The following DOCK2 variants were observed in gnomAD, a reference collection of about 807,000 sequenced individuals.
The protein encoded by DOCK2 is dedicator of cytokinesis 2.
DOCK2 carries 87 observed loss-of-function variants against 248.9 expected under a neutral mutation model. That is an observed-to-expected ratio of 0.35 (90% CI 0.29 to 0.42). The LOEUF (loss-of-function observed/expected upper bound fraction) is 0.42, where lower values mean the gene tolerates loss of function less well. Ranked by LOEUF, DOCK2 falls within the 10% of genes least tolerant of loss-of-function variation. DOCK2 has a pLI of 1.00. For synonymous variants in DOCK2, 805 were observed against 821.6 expected (o/e 0.98, Z 0.35); for missense variants, 1,747 against 2,300.2 (o/e 0.76, Z 4.92).
chr5:169,987,049 TC>T (rs1659287946), intron 29 of DOCK2, among the ~76,000 whole-genome samples: 1 of 152,230 alleles, frequency 6.6e-6, no homozygotes, highest in Non-Finnish European at 1.5e-5. Context: ...AGGTGTGGCT[TC>T]AGGCATGGAT....
intron 27 of DOCK2, among the ~76,000 whole-genome samples, chr5:169,973,120 A>G (rs1363576): frequency 0.57 from 87,089 of 152,060 alleles, 25,085 homozygotes; most frequent in Admixed American, 0.66. Context: ...CCTTTTATCC[A>G]CAAAGTAATC....
chr5:169,972,226 A>G (rs1240829615), intron 27 of DOCK2, among the ~76,000 whole-genome samples: 2 of 152,146 alleles, frequency 1.3e-5, no homozygotes, highest in Non-Finnish European at 2.9e-5. Context: ...TTCTACCCTC[A>G]TAGATTGTTC....
intron 21 of DOCK2, among the ~76,000 whole-genome samples, chr5:169,717,820 G>A (rs1761987026): frequency 1.3e-5 from 2 of 152,184 alleles, no homozygotes; most frequent in Admixed American, 6.5e-5. Context: ...CCAGGACTTT[G>A]GGAGGCTGAG....
intron 27 of DOCK2, among the ~76,000 whole-genome samples, chr5:169,890,151 C>A (rs985199782): frequency 2.0e-5 from 3 of 152,226 alleles, no homozygotes; most frequent in Admixed American, 1.3e-4. Flanking sequence ...AGCCTCGGGG[C>A]TCTGGTGGAG....
At chr5:169,807,597 C>T (rs750232414) in intron 26 of DOCK2, among the ~76,000 whole-genome samples, 6 of 152,096 alleles carry the variant, frequency 3.9e-5, no homozygotes, top group Middle Eastern at 3.4e-3. Flanking sequence ...CTTTGGGAGG[C>T]CGAGGCGGGC....
intron 45 of DOCK2, 36 bp downstream of exon 45, chr5:170,067,722 G>A (rs753387792): frequency 2.3e-5 from 37 of 1,609,062 alleles, no homozygotes; most frequent in Admixed American, 6.7e-5. Context: ...AGGGGAGCTC[G>A]GTGAGCAGAG....
chr5:169,761,542 C>T lies in DOCK2; in HGVS notation c.2471C>T (p.Thr824Ile), dbSNP rs777063242. The stretch of plus-strand genomic sequence containing the variant: ...AGCCAACTCCTGTATGAGTTCTACA[C>T]CTGCATCCCTCCTGTGAAACTCCAG... ...LLSQLLYEFY[T>I]CIPPVKLQKQ... Residue 824 changes from threonine to isoleucine, a missense_variant, in exon 25 of 52, where the codon ACC becomes ATC. This residue lies in a region of DOCK2 where 858 missense variants were observed against 1,183.5 expected (regional missense o/e 0.72). Transcript: ENST00000520908. 1.9e-6 allele frequency: 3 copies of T among 1,614,110 alleles called. No homozygotes were observed. The highest frequency in any genetic ancestry group is 2.5e-6 in the Non-Finnish European group (3 of 1,179,960).
rs1456006626 is a variant in DOCK2 at position 169,674,707 on chromosome 5, C to T, written c.470+262C>T. Among the ~76,000 whole-genome samples the T allele has an allele frequency of 2.6e-5, 4 of 152,124 alleles. No individual in the cohort carries two copies. In the East Asian group the frequency reaches 5.8e-4, roughly 22 times the overall value. ...TTAGGACACTCATTTAACCTACTTC[C>T]GATGGACTAGGGAGCATAGTCATGC... On this transcript the variant is annotated intron_variant, in intron 6 of 51. Transcript: ENST00000520908.
At chr5:169,702,243 G>T in intron 13 of DOCK2, 60 bp from the exon 14 acceptor site, 1 of 1,587,260 alleles carries the variant, frequency 6.3e-7, no homozygotes. Flanking sequence ...CCTCTAGTTA[G>T]TCAGCGTCTC....
At chr5:169,950,078 A>G (rs1776597971) in intron 27 of DOCK2, among the ~76,000 whole-genome samples, 2 of 152,162 alleles carry the variant, frequency 1.3e-5, no homozygotes, top group South Asian at 4.1e-4. Flanking sequence ...AAGCATGTTC[A>G]AGCCCATCTG....
At chr5:169,933,023 C>T (rs1226306921) in intron 27 of DOCK2, among the ~76,000 whole-genome samples, 3 of 152,216 alleles carry the variant, frequency 2.0e-5, no homozygotes, top group Admixed American at 6.5e-5. Flanking sequence ...GAAATGGTTT[C>T]TCCGGCAGGT....
At chr5:170,008,464 C>T in intron 30 of DOCK2, 33 bp from the exon 31 acceptor site, 1 of 1,611,648 alleles carries the variant, frequency 6.2e-7, no homozygotes, top group Non-Finnish European at 8.5e-7. Context: ...TTCAGACCCT[C>T]TCCATAACTG....
chr5:170,048,427 G>A (rs1756793377), intron 40 of DOCK2, among the ~76,000 whole-genome samples: 3 of 151,994 alleles, frequency 2.0e-5, no homozygotes, highest in African/African-American at 7.3e-5. Flanking sequence ...AATAAAAATA[G>A]CACTAATAAA....
chr5:169,715,451 A>G (rs946957843), intron 19 of DOCK2, among the ~76,000 whole-genome samples: 11 of 152,160 alleles, frequency 7.2e-5, no homozygotes, highest in African/African-American at 2.7e-4. Context: ...CCGTAAATGT[A>G]TACCACTGAC....
chr5:170,003,428 G>T (rs1034147446), intron 30 of DOCK2, among the ~76,000 whole-genome samples: 3 of 152,242 alleles, frequency 2.0e-5, no homozygotes, highest in African/African-American at 7.2e-5. Flanking sequence ...CACAAGGCCA[G>T]GTGCAGAACA....
intron 27 of DOCK2, chr5:169,884,738 T>C (rs1298072270): frequency 3.3e-5 from 5 of 152,348 alleles, no homozygotes; most frequent in African/African-American, 1.2e-4. Flanking sequence ...GCCTCCATGA[T>C]GATGTATGTT....
At chr5:170,068,564 C>A (rs969763250) in intron 45 of DOCK2, among the ~76,000 whole-genome samples, 3 of 152,130 alleles carry the variant, frequency 2.0e-5, no homozygotes, top group African/African-American at 7.2e-5. Flanking sequence ...CATTGGTAAC[C>A]CTTTGCTCAG....
At chr5:169,884,652 G>A (rs1158070863) in intron 27 of DOCK2, 2 of 152,302 alleles carry the variant, frequency 1.3e-5, no homozygotes, top group Non-Finnish European at 2.9e-5. Context: ...GGAATCACAG[G>A]GGATTCAGTG....
chr5:169,784,442 T>C, intron 25 of DOCK2, among the ~76,000 whole-genome samples: 1 of 152,222 alleles, frequency 6.6e-6, no homozygotes, highest in East Asian at 1.9e-4. Flanking sequence ...GGTGGCAGAA[T>C]TGGGATTAAA....
Sources: allele counts gnomAD v4.1 joint callset (sites outside exome capture counted in the v4.1 genomes callset), GRCh38; gene constraint gnomAD v4.1.1; regional missense constraint gnomAD v4.1.1; transcripts MANE v1.5; gene names NCBI Gene and HGNC (gene_info 2026-07-23, HGNC 2026-07-21).